Variants in BICRAL observed in about 807,000 individuals in gnomAD.
BICRAL encodes BRD4-interacting chromatin-remodeling complex-associated protein-like.
BICRAL carries 8 observed loss-of-function variants against 91.8 expected under a neutral mutation model. The ratio of observed to expected loss-of-function variants is 0.09; its 90% CI spans 0.05 to 0.16. BICRAL has a LOEUF of 0.16. Ranked by LOEUF, BICRAL falls within the 10% of genes least tolerant of loss-of-function variation. The pLI is 1.00. For missense variants in BICRAL, 1,038 were observed against 1,310.9 expected (o/e 0.79, Z 3.21); for synonymous variants, 445 against 491.1 (o/e 0.91, Z 1.24).
In BICRAL at chr6:42,858,663, C is replaced by A. The variant is rs371559469; in HGVS notation, c.2254+1427C>A. Among the ~76,000 whole-genome samples, 57 of 147,566 alleles carry A rather than the reference C, an allele frequency of 3.9e-4. 1 individual carries two copies. In the South Asian group the frequency reaches 0.012, roughly 32 times the overall value. On this transcript the variant is annotated intron_variant, in intron 10 of 12. Coordinates refer to ENST00000314073, the MANE Select transcript of BICRAL (RefSeq NM_001393499.1). ...AGAAACCCTGTGTCTACTAAAAATA[C>A]AAAATTAGCCAGGCGTGGTGGCACA...
chr6:42,781,623 G>GTGTGTGTGTGTGTGTGTGTGT (rs1762911847), upstream of BICRAL, among the ~76,000 whole-genome samples: 1 of 148,848 alleles, frequency 6.7e-6, no homozygotes, highest in Non-Finnish European at 1.5e-5. Flanking sequence ...GTGTGTGTGT[G>GTGTGTGTGTGTGTGTGTGTGT]GAGAGAGAGC....
At chr6:42,771,989 G>A (rs1762744751) in intron 1 of BICRAL, among the ~76,000 whole-genome samples, 1 of 152,156 alleles carries the variant, frequency 6.6e-6, no homozygotes, top group Non-Finnish European at 1.5e-5. Flanking sequence ...AGGGGAGGAG[G>A]AGGATGAAGG....
chr6:42,860,220 T>C (rs755716628), intron 10 of BICRAL, 42 bp from the exon 11 acceptor site: 1 of 1,104,636 alleles, frequency 9.1e-7, no homozygotes, highest in Non-Finnish European at 1.4e-6. Flanking sequence ...TAGTCAGTGA[T>C]TTACAGTCTC....
chr6:42,764,128 G>C (rs1762598702), intron 1 of BICRAL, among the ~76,000 whole-genome samples: 1 of 151,510 alleles, frequency 6.6e-6, no homozygotes, highest in Admixed American at 6.6e-5. Context: ...TGTAGTCCCA[G>C]CTACTCGGGA....
At chr6:42,749,458 A>G (rs1741534965) in intron 1 of BICRAL, among the ~76,000 whole-genome samples, 1 of 152,230 alleles carries the variant, frequency 6.6e-6, no homozygotes, top group African/African-American at 2.4e-5. Context: ...AATAAGTTCT[A>G]GTGTCAGATA....
intron 1 of BICRAL, among the ~76,000 whole-genome samples, chr6:42,770,634 T>C (rs1762704829): frequency 6.6e-6 from 1 of 151,696 alleles, no homozygotes; most frequent in Non-Finnish European, 1.5e-5. Context: ...CAGGCTGGTC[T>C]CGAACTCCTG....
At chr6:42,839,392 C>T (rs1195011149) in intron 6 of BICRAL, among the ~76,000 whole-genome samples, 2 of 152,050 alleles carry the variant, frequency 1.3e-5, no homozygotes, top group East Asian at 1.9e-4. Context: ...GATCTTCCCA[C>T]CTCAGCCTCC....
intron 1 of BICRAL, among the ~76,000 whole-genome samples, chr6:42,751,221 C>T (rs1762375822): frequency 6.6e-6 from 1 of 151,922 alleles, no homozygotes; most frequent in Admixed American, 6.6e-5. Context: ...CCCCCTCCAA[C>T]CCCAAGGTCC....
intron 1 of BICRAL, among the ~76,000 whole-genome samples, chr6:42,786,404 C>A (rs996943763): frequency 3.3e-5 from 5 of 152,104 alleles, no homozygotes; most frequent in African/African-American, 1.2e-4. Flanking sequence ...TGGTTTTTCT[C>A]CCCTTGTTTT....
intron 1 of BICRAL, among the ~76,000 whole-genome samples, chr6:42,791,874 T>TA (rs991506876): frequency 1.3e-5 from 2 of 152,208 alleles, no homozygotes; most frequent in East Asian, 1.9e-4. Flanking sequence ...AGAGTGCTCT[T>TA]ACGCAAACCA....
intron 9 of BICRAL, among the ~76,000 whole-genome samples, chr6:42,856,880 A>T (rs994972583): frequency 1.3e-5 from 2 of 152,142 alleles, no homozygotes; most frequent in African/African-American, 4.8e-5. Context: ...GATTGGTGGG[A>T]ACCTGTGCTT....
chr6:42,817,178 A>ATG (rs1337828984), intron 2 of BICRAL, among the ~76,000 whole-genome samples: 67 of 149,528 alleles, frequency 4.5e-4, no homozygotes, highest in African/African-American at 1.6e-3. Context: ...GTGTGTATAT[A>ATG]TGTGTGTGTG....
At chr6:42,846,972 A>G in intron 6 of BICRAL, among the ~76,000 whole-genome samples, 1 of 152,242 alleles carries the variant, frequency 6.6e-6, no homozygotes, top group Non-Finnish European at 1.5e-5. Flanking sequence ...GTTTTTTGCC[A>G]TTAAATATGA....
chr6:42,833,110 C>T (rs1186033926), intron 6 of BICRAL, among the ~76,000 whole-genome samples: 1 of 150,204 alleles, frequency 6.7e-6, no homozygotes, highest in Non-Finnish European at 1.5e-5. Context: ...GGCTGGAGTG[C>T]AGTAGCCCGA....
chr6:42,830,179 C>T lies in BICRAL; in HGVS notation c.1839+7C>T. The T allele has an allele frequency of 2.5e-6, 4 of 1,611,872 alleles. No individual in the cohort carries two copies. Among genetic ancestry groups the T allele is most frequent in the Non-Finnish European group, 3.4e-6 (4 of 1,178,680 alleles). On this transcript the variant is annotated splice_region_variant and intron_variant, in intron 6 of 12. Transcript: ENST00000314073. ...GCAACAATTCTTCTGCCAGGTAATG[C>T]CCTTTCCCAAATAAATATTTGGCTG...
chr6:42,830,596 A>G (rs1764445925), intron 6 of BICRAL, among the ~76,000 whole-genome samples: 1 of 151,788 alleles, frequency 6.6e-6, no homozygotes, highest in Admixed American at 6.6e-5. Flanking sequence ...ATGACTGGTT[A>G]TCTTTTTTCT....
chr6:42,781,078 C>G (rs1330999778), upstream of BICRAL, among the ~76,000 whole-genome samples: 1 of 151,756 alleles, frequency 6.6e-6, no homozygotes, highest in Non-Finnish European at 1.5e-5. Flanking sequence ...AGATAGTTTA[C>G]AGAGAAGTTT....
intron 11 of BICRAL, among the ~76,000 whole-genome samples, chr6:42,861,307 G>A (rs1405265464): frequency 6.6e-6 from 1 of 152,124 alleles, no homozygotes; most frequent in Non-Finnish European, 1.5e-5. Flanking sequence ...GTGAGACTCC[G>A]TCTCAAAAAT....
At chr6:42,847,216 C>T (rs915443739) in intron 6 of BICRAL, among the ~76,000 whole-genome samples, 1 of 152,180 alleles carries the variant, frequency 6.6e-6, no homozygotes, top group African/African-American at 2.4e-5. Context: ...TGCCACTACA[C>T]TACAGCCAGG....
Sources: gnomAD v4.1 joint callset for allele counts (sites outside exome capture counted in the v4.1 genomes callset) on GRCh38, gnomAD v4.1.1 for gene constraint, MANE v1.5 for transcripts, NCBI Gene and HGNC (gene_info 2026-07-23, HGNC 2026-07-21) for gene names.